The following TAB2 variants were observed in gnomAD, a reference collection of about 807,000 sequenced individuals.
TAB2 encodes TGF-beta activated kinase 1 (MAP3K7) binding protein 2, also known as TGF-beta-activated kinase 1 and MAP3K7-binding protein 2.
Under a neutral mutation model 65.0 loss-of-function variants are expected in TAB2, and 3 were observed. That is an observed-to-expected ratio of 0.05 (90% CI 0.02 to 0.12). The LOEUF (loss-of-function observed/expected upper bound fraction) is 0.12. Among genes scored for constraint, TAB2 ranks in the 10% least tolerant of loss-of-function variants. The pLI, the probability that TAB2 is intolerant of heterozygous loss-of-function variation, is 1.00. For missense variants in TAB2, 623 were observed against 840.3 expected, an observed-to-expected ratio of 0.74 and a Z score of 3.20; for synonymous variants, 298 against 285.1, an observed-to-expected ratio of 1.05 and a Z score of -0.46.
rs1489390230 is a variant in TAB2 at position 149,241,900 on chromosome 6, G to A, written c.-121+23124G>A. Among the ~76,000 whole-genome samples the A allele has an allele frequency of 2.6e-5, 4 of 152,090 alleles. No homozygotes were observed. In the South Asian group the frequency reaches 6.2e-4, roughly 24 times the overall value. On this transcript the variant is annotated intron_variant, in intron 1 of 1. Coordinates refer to the TAB2 transcript ENST00000606202. ...AAGCCCACTCTCAGCCTTCCAGCCC[G>A]TGCCTCCTCTCTCTGCTGCCCCGTA...
chr6:149,256,234 A>C (rs1049670467), intron 1 of TAB2, among the ~76,000 whole-genome samples: 5 of 152,338 alleles, frequency 3.3e-5, no homozygotes, highest in Admixed American at 1.3e-4. Context: ...TTATATAATA[A>C]CTTCATCTCA....
rs935708646 is a variant in TAB2 at position 149,377,139 on chromosome 6, G to A, written c.103-879G>A. On this transcript the variant is annotated intron_variant, in intron 2 of 6. Transcript: ENST00000637181. ...GGCTGGAGTGCAGTGGCGCAGTCTC[G>A]GCTCACTGCAAGCTCCGCCTCCCAG... Among the ~76,000 whole-genome samples, 17 of 148,910 alleles carry A rather than the reference G, an allele frequency of 1.1e-4. 1 individual carries two copies. The highest frequency in any genetic ancestry group is 2.1e-4 in the Non-Finnish European group (14 of 67,506).
intron 1 of TAB2, among the ~76,000 whole-genome samples, chr6:149,332,799 C>T (rs1779821815): frequency 6.6e-6 from 1 of 152,148 alleles, no homozygotes; most frequent in African/African-American, 2.4e-5. Context: ...GTAAAGGGAG[C>T]AGGTCAGTCT....
chr6:149,257,709 A>G (rs906633294), intron 1 of TAB2, among the ~76,000 whole-genome samples: 3 of 152,120 alleles, frequency 2.0e-5, no homozygotes, highest in Non-Finnish European at 4.4e-5. Flanking sequence ...GACCTTCCCA[A>G]TCAGAATCTC....
intron 6 of TAB2, chr6:149,400,549 T>G (rs1193420645): frequency 2.5e-6 from 4 of 1,614,114 alleles, no homozygotes; most frequent in Non-Finnish European, 3.4e-6. Flanking sequence ...CCACGGGGAT[T>G]GTCAGTGAAG....
intron 1 of TAB2, among the ~76,000 whole-genome samples, chr6:149,322,893 T>G (rs1779499800): frequency 6.6e-6 from 1 of 152,132 alleles, no homozygotes; most frequent in Non-Finnish European, 1.5e-5. Context: ...ATAACTCAAA[T>G]TGTGAATGGG....
chr6:149,315,755 C>T (rs942681611), upstream of TAB2, among the ~76,000 whole-genome samples: 1 of 152,116 alleles, frequency 6.6e-6, no homozygotes, highest in African/African-American at 2.4e-5. Context: ...TTTTCCTCTA[C>T]TTGGGTTTGT....
chr6:149,218,617 T>TCC, upstream of TAB2: 1 of 351,456 alleles, frequency 2.8e-6, no homozygotes, highest in South Asian at 2.2e-5. Flanking sequence ...TCTTATATTC[T>TCC]TACAGATGAG....
chr6:149,349,985 G>T (rs1452894565), intron 1 of TAB2, among the ~76,000 whole-genome samples: 2 of 152,126 alleles, frequency 1.3e-5, no homozygotes, highest in African/African-American at 2.4e-5. Flanking sequence ...AGGCAAGAGT[G>T]CAGTGGCGCA....
At chr6:149,348,973 AT>A (rs201627014) in intron 1 of TAB2, among the ~76,000 whole-genome samples, 18 of 151,076 alleles carry the variant, frequency 1.2e-4, no homozygotes, top group Non-Finnish European at 1.2e-4. Context: ...ATCTCAAAAA[AT>A]TTAAAAAAAA....
At chr6:149,311,720 G>C (rs1779170442) in intron 1 of TAB2, among the ~76,000 whole-genome samples, 1 of 47,162 alleles carries the variant, frequency 2.1e-5, no homozygotes, top group African/African-American at 6.2e-5. Flanking sequence ...TCACATTTGT[G>C]CTTTACACCC....
intron 2 of TAB2, among the ~76,000 whole-genome samples, chr6:149,376,316 C>T (rs1001478051): frequency 3.3e-5 from 5 of 152,170 alleles, no homozygotes; most frequent in African/African-American, 1.2e-4. Context: ...CTTTCAGTAG[C>T]TCTCCTCATT....
In TAB2 at chr6:149,250,891, C is replaced by T. The variant is rs569371498; in HGVS notation, c.-121+32115C>T. ...CATATTCACCTGTTTAATACATGGA[C>T]ATACAGGCCTCTGACACCATTCGTT... On this transcript the variant is annotated intron_variant, in intron 1 of 1. Coordinates refer to the TAB2 transcript ENST00000606202. Among the ~76,000 whole-genome samples the T allele has an allele frequency of 2.0e-5, 3 of 152,294 alleles. No homozygotes were observed. In the East Asian group the frequency reaches 5.8e-4, roughly 29 times the overall value.
At chr6:149,237,472 C>T (rs1454757027) in intron 1 of TAB2, among the ~76,000 whole-genome samples, 1 of 152,214 alleles carries the variant, frequency 6.6e-6, no homozygotes, top group African/African-American at 2.4e-5. Flanking sequence ...GCACCATCTA[C>T]TATGCACCCC....
At chr6:149,329,668 G>C (rs915198922) in intron 1 of TAB2, among the ~76,000 whole-genome samples, 21 of 149,414 alleles carry the variant, frequency 1.4e-4, no homozygotes, top group Admixed American at 9.3e-4. Context: ...TTGGAGCTGG[G>C]GGGGGCGGGG....
chr6:149,221,744 C>A (rs1336583303), intron 1 of TAB2, among the ~76,000 whole-genome samples: 1 of 152,192 alleles, frequency 6.6e-6, no homozygotes, highest in Non-Finnish European at 1.5e-5. Context: ...GTAGAATATG[C>A]TCTGCTAGAT....
intron 1 of TAB2, among the ~76,000 whole-genome samples, chr6:149,368,829 A>G (rs1325437032): frequency 6.6e-6 from 1 of 152,194 alleles, no homozygotes; most frequent in Non-Finnish European, 1.5e-5. Flanking sequence ...TAAAAGGCTT[A>G]TTACTATATA....
intron 1 of TAB2, among the ~76,000 whole-genome samples, chr6:149,339,132 G>C (rs92605): frequency 6.6e-6 from 1 of 152,068 alleles, no homozygotes; most frequent in Non-Finnish European, 1.5e-5. Flanking sequence ...TTGGGAGGCC[G>C]AGACGGGCGG....
intron 1 of TAB2, among the ~76,000 whole-genome samples, chr6:149,271,992 C>G (rs1174354313): frequency 1.3e-5 from 2 of 152,038 alleles, no homozygotes; most frequent in Non-Finnish European, 2.9e-5. Flanking sequence ...GTCCCTAGCC[C>G]CACCCCCAAC....
Sources: gnomAD v4.1 joint callset for allele counts (sites outside exome capture counted in the v4.1 genomes callset) on GRCh38, gnomAD v4.1.1 for gene constraint, MANE v1.5 for transcripts, NCBI Gene and HGNC (gene_info 2026-07-23, HGNC 2026-07-21) for gene names.